Variants in ANO3 observed in about 807,000 individuals in gnomAD.
The protein encoded by ANO3 is anoctamin-3.
Under a neutral mutation model 144.8 loss-of-function variants are expected in ANO3, and 99 were observed. The ratio of observed to expected loss-of-function variants is 0.68; its 90% confidence interval spans 0.58 to 0.81. ANO3 has a LOEUF of 0.81. Among genes scored for constraint, ANO3 ranks in the 30% least tolerant of loss-of-function variants. The pLI, the probability that ANO3 is intolerant of heterozygous loss-of-function variation, is 0.00. For missense variants in ANO3, 905 were observed against 1,202.2 expected (o/e 0.75, Z 3.66); for synonymous variants, 414 against 392.6 (o/e 1.05, Z -0.64).
At chr11:26,405,008 T>C (rs1183272665) in intron 1 of ANO3, among the ~76,000 whole-genome samples, 1 of 151,282 alleles carries the variant, frequency 6.6e-6, no homozygotes, top group Non-Finnish European at 1.5e-5. Context: ...TATATTTATA[T>C]TTCCTTGTTA....
chr11:26,571,273 G>A (rs1590565144), intron 14 of ANO3, among the ~76,000 whole-genome samples: 1 of 152,098 alleles, frequency 6.6e-6, no homozygotes, highest in Non-Finnish European at 1.5e-5. Flanking sequence ...GTCTATAGGA[G>A]CAGCCTCTAC....
At chr11:26,538,183 T>C (rs1173371533) in intron 10 of ANO3, among the ~76,000 whole-genome samples, 1 of 152,178 alleles carries the variant, frequency 6.6e-6, no homozygotes. Context: ...GTGACGTAAA[T>C]GTTTTATATG....
At chr11:26,454,909 C>G (rs531676976) in intron 3 of ANO3, among the ~76,000 whole-genome samples, 1,723 of 147,024 alleles carry the variant, frequency 0.012, 19 homozygotes, top group Non-Finnish European at 0.019. Context: ...GGATGCAAGG[C>G]TGGTTCAATA....
At chr11:26,600,891 G>A (rs1187839019) in intron 17 of ANO3, among the ~76,000 whole-genome samples, 1 of 151,926 alleles carries the variant, frequency 6.6e-6, no homozygotes, top group Non-Finnish European at 1.5e-5. Flanking sequence ...GCACCTTTTT[G>A]TTTCAACATC....
intron 5 of ANO3, among the ~76,000 whole-genome samples, chr11:26,514,315 C>T (rs1452420699): frequency 6.6e-6 from 1 of 152,016 alleles, no homozygotes; most frequent in East Asian, 1.9e-4. Context: ...TGTAAGTCAT[C>T]ATCATTTTGG....
At chr11:26,199,418 T>G (rs1023906115) in intron 1 of ANO3, among the ~76,000 whole-genome samples, 1 of 152,156 alleles carries the variant, frequency 6.6e-6, no homozygotes, top group African/African-American at 2.4e-5. Context: ...GGTCTCAGAT[T>G]GGCCAAGCCT....
intron 14 of ANO3, among the ~76,000 whole-genome samples, chr11:26,561,478 A>G (rs1202810816): frequency 6.6e-6 from 1 of 152,004 alleles, no homozygotes; most frequent in Non-Finnish European, 1.5e-5. Flanking sequence ...TAAAGAAGAG[A>G]CCAGTATAGT....
intron 2 of ANO3, 118 bp from the exon 3 acceptor site, chr11:26,443,647 C>T (rs1440383922): frequency 1.9e-6 from 1 of 517,646 alleles, no homozygotes; most frequent in Admixed American, 4.0e-5. Flanking sequence ...AATTTTAATT[C>T]ATTAAGTTAA....
At chr11:26,646,628 T>C (rs1470686201) in intron 23 of ANO3, among the ~76,000 whole-genome samples, 2 of 152,090 alleles carry the variant, frequency 1.3e-5, no homozygotes, top group South Asian at 4.1e-4. Context: ...TTTCTCTGAA[T>C]ACTAGTGATT....
chr11:26,539,496 G>A (rs899301430), intron 10 of ANO3, among the ~76,000 whole-genome samples: 1 of 152,086 alleles, frequency 6.6e-6, no homozygotes, highest in African/African-American at 2.4e-5. Context: ...TAATCTTTGG[G>A]CTTTAAACAC....
chr11:26,347,472 A>G (rs918846672), intron 1 of ANO3, among the ~76,000 whole-genome samples: 1 of 152,226 alleles, frequency 6.6e-6, no homozygotes, highest in African/African-American at 2.4e-5. Context: ...TCTCTGAGAC[A>G]AGACCAGACT....
At chr11:26,435,623 G>C (rs1312282833) in intron 1 of ANO3, among the ~76,000 whole-genome samples, 2 of 152,044 alleles carry the variant, frequency 1.3e-5, no homozygotes, top group African/African-American at 4.8e-5. Context: ...ACTTTTGTCT[G>C]ACTGTCTTCT....
chr11:26,512,929 T>C (rs1443091921), intron 5 of ANO3, among the ~76,000 whole-genome samples: 2 of 152,204 alleles, frequency 1.3e-5, no homozygotes, highest in Non-Finnish European at 2.9e-5. Context: ...TAGGTTAACT[T>C]ATTCATCCAT....
chr11:26,644,748 C>A (rs892666118), intron 23 of ANO3, among the ~76,000 whole-genome samples: 2 of 150,674 alleles, frequency 1.3e-5, no homozygotes, highest in Non-Finnish European at 1.5e-5. Context: ...TGTTTATGTT[C>A]TTTGGTCATT....
At chr11:26,595,910 TTC>T (rs1159996803) in intron 14 of ANO3, among the ~76,000 whole-genome samples, 1 of 152,234 alleles carries the variant, frequency 6.6e-6, no homozygotes, top group East Asian at 1.9e-4. Context: ...TTCTACTTTC[TTC>T]TGTTAGCAAG....
chr11:26,292,638 C>T (rs1853986505), intron 1 of ANO3, among the ~76,000 whole-genome samples: 1 of 152,184 alleles, frequency 6.6e-6, no homozygotes, highest in South Asian at 2.1e-4. Context: ...CAATTCCTTT[C>T]TGTTTGTTAG....
chr11:26,567,027 C>T (rs967819592), intron 14 of ANO3: 55 of 1,455,536 alleles, frequency 3.8e-5, no homozygotes, highest in Non-Finnish European at 4.6e-5. Context: ...ACAAAGTTTA[C>T]AGTATCATCT....
At chr11:26,466,465 G>T (rs1029436707) in intron 4 of ANO3, among the ~76,000 whole-genome samples, 6 of 151,976 alleles carry the variant, frequency 3.9e-5, no homozygotes, top group Non-Finnish European at 8.8e-5. Flanking sequence ...GTAGACTGTT[G>T]CAGGAGTAAC....
At chr11:26,463,723 C>G (rs184415267) in intron 4 of ANO3, among the ~76,000 whole-genome samples, 3 of 151,990 alleles carry the variant, frequency 2.0e-5, no homozygotes. Context: ...CTGGCTCCAA[C>G]AATCCTGCCA....
Sources: allele counts gnomAD v4.1 joint callset (sites outside exome capture counted in the v4.1 genomes callset), GRCh38; gene constraint gnomAD v4.1.1; transcripts MANE v1.5; gene names NCBI Gene and HGNC (gene_info 2026-07-23, HGNC 2026-07-21).